Variants in CECR2 observed in about 807,000 individuals in gnomAD.
CECR2 encodes the protein chromatin remodeling regulator CECR2.
Under a neutral mutation model 154.5 loss-of-function variants are expected in CECR2, and 30 were observed. That is an observed-to-expected ratio of 0.19 (90% CI 0.15 to 0.26). The LOEUF (loss-of-function observed/expected upper bound fraction) is 0.26, where lower values mean the gene tolerates loss of function less well. Among genes scored for constraint, CECR2 ranks in the 10% least tolerant of loss-of-function variants. The probability of loss-of-function intolerance (pLI) is 1.00; values close to 1 mark genes in which losing one functional copy is unlikely to be tolerated. For missense variants in CECR2, 1,743 were observed against 1,829.3 expected, an observed-to-expected ratio of 0.95 and a Z score of 0.86; for synonymous variants, 725 against 683.7, an observed-to-expected ratio of 1.06 and a Z score of -0.94.
At chr22:17,379,660 G>A (rs1241870806) in intron 1 of CECR2, among the ~76,000 whole-genome samples, 1 of 151,156 alleles carries the variant, frequency 6.6e-6, no homozygotes, top group East Asian at 1.9e-4. Context: ...TCATTATTCC[G>A]TCAGAATTTT....
At chr22:17,419,583 A>C in intron 1 of CECR2, 1 of 304,760 alleles carries the variant, frequency 3.3e-6, no homozygotes, top group Non-Finnish European at 6.5e-6. Context: ...GAAGAAGAAG[A>C]AGAAACAGTT....
At chr22:17,454,552 C>T (rs1429876935) in intron 1 of CECR2, among the ~76,000 whole-genome samples, 4 of 149,930 alleles carry the variant, frequency 2.7e-5, no homozygotes, top group Non-Finnish European at 5.9e-5. Context: ...TTGCAGTGAG[C>T]TGAGATCGCA....
intron 16 of CECR2, among the ~76,000 whole-genome samples, chr22:17,544,497 C>CAA (rs34885224): frequency 0.12 from 6,599 of 57,210 alleles, 496 homozygotes; most frequent in African/African-American, 0.25. Context: ...GACTCCATCT[C>CAA]AAAAAAAAAA....
intron 1 of CECR2, among the ~76,000 whole-genome samples, chr22:17,411,163 G>A (rs768731114): frequency 6.6e-6 from 1 of 152,166 alleles, no homozygotes; most frequent in Non-Finnish European, 1.5e-5. Context: ...GGCCTTTAGC[G>A]TTAGGCACAG....
rs1364478005 is a variant in CECR2, at chr22:17,555,953, C to T, written c.*3113C>T. 2 of 152,096 alleles carry T rather than the reference C, an allele frequency of 1.3e-5. No homozygotes were observed. Among genetic ancestry groups the T allele is most frequent in the Non-Finnish European group, 2.9e-5 (2 of 68,014 alleles). 9.4% of individuals were successfully genotyped at this position (152,096 alleles called of 1,614,324 possible). On this transcript the variant is annotated 3_prime_UTR_variant, in exon 19 of 19. Transcript: ENST00000262608. ...CCTAAGGCCCAAGAGAAAAGATGAG[C>T]TTCTTGGGAGGATTCTGGGTTTGTT...
chr22:17,370,424 C>G (rs1205208073), intron 1 of CECR2, among the ~76,000 whole-genome samples: 4 of 151,466 alleles, frequency 2.6e-5, no homozygotes, highest in African/African-American at 9.7e-5. Context: ...GGCAGGGGCT[C>G]CCGGAGGCCC....
intron 1 of CECR2, chr22:17,418,761 A>AGAGAGGGAGGACGG (rs1057078649): frequency 5.7e-6 from 2 of 350,822 alleles, no homozygotes; most frequent in African/African-American, 4.4e-5. Flanking sequence ...ACTCTGTTGG[A>AGAGAGGGAGGACGG]GAGAGGGAGG....
At chr22:17,492,181 A>G (rs1346212632) in intron 2 of CECR2, among the ~76,000 whole-genome samples, 1 of 152,234 alleles carries the variant, frequency 6.6e-6, no homozygotes, top group Non-Finnish European at 1.5e-5. Flanking sequence ...GTTGTAGCAA[A>G]TGGGAGAATG....
chr22:17,504,871 C>G lies in CECR2; in HGVS notation c.725C>G (p.Thr242Ser). 1 of 1,613,886 alleles carries G rather than the reference C, an allele frequency of 6.2e-7. No homozygotes were observed. Among genetic ancestry groups the G allele is most frequent in the Non-Finnish European group, 8.5e-7 (1 of 1,179,844 alleles). ...RHGSQGPGQG[T>S]WWLLCQTEEE... Reference sequence around the variant, plus strand: ...GGGTCCCAAGGGCCAGGCCAAGGTACTTGGTGGCTCCTGTGCCAGACAGAA... The same window carrying G: ...GGGTCCCAAGGGCCAGGCCAAGGTAGTTGGTGGCTCCTGTGCCAGACAGAA... The change falls in exon 7 of 19, where the codon ACT becomes AGT. Residue 242 changes from threonine (T) to serine (S), a missense_variant. This residue lies in a region of CECR2 where 292 missense variants were observed against 301.2 expected (regional missense o/e 0.97). Coordinates refer to ENST00000262608, the MANE Select transcript of CECR2 (RefSeq NM_001290047.2).
chr22:17,548,980 C>G lies in CECR2; in HGVS notation c.3693C>G (p.Pro1231=), dbSNP rs778820106. Residue 1231 remains proline, a synonymous_variant, in exon 17 of 19, where the codon CCC becomes CCG. Transcript: ENST00000262608. ...GCGGACCCCCAGCCAGTCAGCCTCC[C>G]CCACCAAGGTCCCTCTTCTCAGATA... ...SPSGPPASQP[P]PPRSLFSDKN... is the part of the protein sequence containing the mutation. 17 of 1,613,996 alleles carry G rather than the reference C, an allele frequency of 1.1e-5. No homozygotes were observed. In the East Asian group the frequency reaches 3.6e-4, roughly 34 times the overall value.
intron 7 of CECR2, among the ~76,000 whole-genome samples, chr22:17,505,786 C>G (rs975126081): frequency 1.3e-5 from 2 of 150,158 alleles, no homozygotes; most frequent in African/African-American, 4.9e-5. Context: ...GATATACCGC[C>G]TCAGCCTCCC....
rs1441438589 is a variant in CECR2, at chr22:17,362,612, GA to G, written c.-364+2591del. ...AATATTTTAGATAGATTGGATTTAAGAATATATCTGGCTGGGCTCGGTGGCT... is the reference window on the plus strand; with the variant it reads ...AATATTTTAGATAGATTGGATTTAAGATATATCTGGCTGGGCTCGGTGGCT... On this transcript the variant is annotated intron_variant, in intron 1 of 18. Coordinates refer to the CECR2 transcript ENST00000400585. 2.0e-5 allele frequency among the ~76,000 whole-genome samples: 3 copies of G among 151,904 alleles called. No homozygotes were observed. In the South Asian group the frequency reaches 6.2e-4, roughly 32 times the overall value.
chr22:17,447,688 T>TC (rs1462176622), intron 1 of CECR2, among the ~76,000 whole-genome samples: 1 of 141,854 alleles, frequency 7.0e-6, no homozygotes, highest in Admixed American at 7.0e-5. Flanking sequence ...TCGGGGGCGG[T>TC]GGGGGGCTTT....
intron 1 of CECR2, among the ~76,000 whole-genome samples, chr22:17,408,236 C>T (rs1569062341): frequency 7.1e-6 from 1 of 140,768 alleles, no homozygotes; most frequent in Non-Finnish European, 1.5e-5. Flanking sequence ...GGCAATCACT[C>T]GTCTGCTTTC....
In CECR2 at chr22:17,439,459, T is replaced by C. The variant is rs570958354; in HGVS notation, c.127-38129T>C. ...CAAAGCAGATGACAGACGGTTAATA[T>C]TATAATATACAAACAGCCCAGTGGA... On this transcript the variant is annotated intron_variant, in intron 1 of 18. Coordinates refer to ENST00000262608, the MANE Select transcript of CECR2 (RefSeq NM_001290047.2). Among the ~76,000 whole-genome samples the C allele has an allele frequency of 2.0e-5, 3 of 152,238 alleles. No homozygotes were observed. In the South Asian group the frequency reaches 6.2e-4, roughly 32 times the overall value.
rs568838244 is a variant in CECR2 at position 17,539,669 on chromosome 22, A to AAT, written c.1495+557_1495+558dup. 8.1e-3 allele frequency among the ~76,000 whole-genome samples: 1,235 copies of AAT among 152,090 alleles called. 12 individuals are homozygous for AAT. Among genetic ancestry groups the AAT allele is most frequent in the African/African-American group, 0.027 (1,137 of 41,488 alleles). ...ACCCTAGAACTTAAAGTATAATAAA[A>AAT]ATATATATCTATATATATAAAAAAA... On this transcript the variant is annotated intron_variant, in intron 13 of 18. Transcript: ENST00000262608.
chr22:17,518,536 A>G (rs1241903830), intron 8 of CECR2: 2 of 279,648 alleles, frequency 7.2e-6, no homozygotes, highest in East Asian at 1.9e-4. Flanking sequence ...CTTTGTCAAT[A>G]TGGACTTCTA....
rs539613271 is a variant in CECR2 at position 17,390,562 on chromosome 22, T to G, written c.126+20653T>G. ...GATTACATCACAGTTGCCAGATTCC[T>G]TTTTACAAGTTGGCGTGCAGTTTTC... is the stretch of plus-strand genomic sequence containing the variant. On this transcript the variant is annotated intron_variant, in intron 1 of 18. Coordinates refer to ENST00000262608, the MANE Select transcript of CECR2 (RefSeq NM_001290047.2). Among the ~76,000 whole-genome samples the G allele has an allele frequency of 3.3e-5, 5 of 152,340 alleles. No homozygotes were observed. In the East Asian group the frequency reaches 9.6e-4, roughly 29 times the overall value.
At chr22:17,477,988 G>C (rs2055239048) in intron 2 of CECR2, among the ~76,000 whole-genome samples, 1 of 152,028 alleles carries the variant, frequency 6.6e-6, no homozygotes, top group Admixed American at 6.6e-5. Context: ...TGATTTTGCA[G>C]TATTGGTAAA....
Sources: allele counts gnomAD v4.1 joint callset (sites outside exome capture counted in the v4.1 genomes callset), GRCh38; gene constraint gnomAD v4.1.1; regional missense constraint gnomAD v4.1.1; transcripts MANE v1.5; gene names NCBI Gene and HGNC (gene_info 2026-07-23, HGNC 2026-07-21).